GFRA2: variants seen among roughly 807,000 people sequenced by gnomAD.
GFRA2 encodes the protein GDNF family receptor alpha 2, also known as GDNF family receptor alpha-2.
GFRA2 carries 17 observed loss-of-function variants against 48.3 expected under a neutral mutation model. The observed-to-expected ratio is 0.35, with a 90% CI of 0.24 to 0.53. The LOEUF (loss-of-function observed/expected upper bound fraction) is 0.53, where lower values mean the gene tolerates loss of function less well. Ranked by LOEUF, GFRA2 falls within the 20% of genes least tolerant of loss-of-function variation. The pLI is 0.93. For synonymous variants in GFRA2, 305 were observed against 257.2 expected (o/e 1.19, Z -1.78); for missense variants, 660 against 637.3 (o/e 1.04, Z -0.38).
chr8:21,804,231 T>C (rs76448891), intron 2 of GFRA2, among the ~76,000 whole-genome samples: 67 of 145,726 alleles, frequency 4.6e-4, no homozygotes, highest in East Asian at 1.6e-3. Flanking sequence ...CACACACACA[T>C]GCATACACAC....
chr8:21,756,905 C>T (rs1203714927), intron 3 of GFRA2, among the ~76,000 whole-genome samples: 2 of 152,164 alleles, frequency 1.3e-5, no homozygotes, highest in Admixed American at 6.5e-5. Context: ...CGTGCTCCAG[C>T]GCCAGCCCTG....
intron 2 of GFRA2, 80 bp from the exon 3 acceptor site, chr8:21,775,135 A>T: frequency 1.3e-6 from 1 of 754,012 alleles, no homozygotes; most frequent in South Asian, 1.5e-5. Context: ...GCCGGAGGAA[A>T]GCTCTCTACC....
intron 4 of GFRA2, among the ~76,000 whole-genome samples, chr8:21,730,723 G>A (rs1804145923): frequency 6.6e-6 from 1 of 152,132 alleles, no homozygotes; most frequent in East Asian, 1.9e-4. Context: ...TGGCAGAATG[G>A]CCACAGAATG....
chr8:21,784,549 C>G (rs1216455023), intron 1 of GFRA2, among the ~76,000 whole-genome samples: 2 of 152,164 alleles, frequency 1.3e-5, no homozygotes, highest in African/African-American at 4.8e-5. Context: ...CGCTGCACAG[C>G]GGGCCTTCGC....
chr8:21,802,711 T>C (rs1284715298), intron 2 of GFRA2, among the ~76,000 whole-genome samples: 2 of 152,122 alleles, frequency 1.3e-5, no homozygotes, highest in Admixed American at 1.3e-4. Context: ...GGGAGGCAGA[T>C]GTACAAATGA....
intron 4 of GFRA2, among the ~76,000 whole-genome samples, chr8:21,739,257 G>A (rs1435689636): frequency 6.6e-6 from 1 of 152,102 alleles, no homozygotes; most frequent in Non-Finnish European, 1.5e-5. Context: ...TAAGCAGGAG[G>A]ATGCCAGTAG....
At chr8:21,701,129 T>A (rs994503225) in intron 7 of GFRA2, among the ~76,000 whole-genome samples, 1 of 152,324 alleles carries the variant, frequency 6.6e-6, no homozygotes, top group South Asian at 2.1e-4. Flanking sequence ...GCGCGGGGGC[T>A]CACGCCTGTA....
intron 3 of GFRA2, among the ~76,000 whole-genome samples, chr8:21,773,321 C>G (rs1226987370): frequency 6.6e-6 from 1 of 152,178 alleles, no homozygotes; most frequent in Admixed American, 6.5e-5. Flanking sequence ...GCAAGGTGCT[C>G]AACACAGCTG....
In GFRA2 at chr8:21,699,348, T is replaced by C. The variant is rs1236864161; in HGVS notation, c.1218+3457A>G. On this transcript the variant is annotated intron_variant, in intron 7 of 8. Transcript: ENST00000524240. The stretch of plus-strand genomic sequence containing the variant: ...TGCAGTGAGGGGGGCCTTGGGGCAG[T>C]CTCTCAAAACTCATTTTTAATTTGC... Among the ~76,000 whole-genome samples the C allele has an allele frequency of 1.1e-4, 17 of 152,200 alleles. No individual in the cohort carries two copies. The South Asian group carries it at 3.5e-3, about 32-fold the overall frequency.
intron 2 of GFRA2, among the ~76,000 whole-genome samples, chr8:21,803,624 T>C (rs1346652448): frequency 6.6e-6 from 1 of 152,140 alleles, no homozygotes; most frequent in African/African-American, 2.4e-5. Flanking sequence ...AACACAGTAA[T>C]GATCATAGCT....
At chr8:21,747,612 A>T (rs537711149) in intron 4 of GFRA2, among the ~76,000 whole-genome samples, 76 of 152,094 alleles carry the variant, frequency 5.0e-4, no homozygotes, top group Middle Eastern at 3.4e-3. Flanking sequence ...TTCAGTGTGC[A>T]CAGGGCCCCA....
At chr8:21,788,880 GCTCTCCT>G, upstream of GFRA2, 1 of 790,182 alleles carries the variant, frequency 1.3e-6, no homozygotes, top group Non-Finnish European at 1.5e-6. Context: ...GCTCTCCCTC[GCTCTCCT>G]CTCTCCCTCC....
intron 2 of GFRA2, among the ~76,000 whole-genome samples, chr8:21,776,296 C>A (rs1806703892): frequency 1.3e-5 from 2 of 152,110 alleles, no homozygotes; most frequent in African/African-American, 2.4e-5. Context: ...TTCCGGCAGA[C>A]CCCCAAGAAA....
intron 7 of GFRA2, among the ~76,000 whole-genome samples, chr8:21,695,476 G>A (rs1245497305): frequency 6.6e-6 from 1 of 152,124 alleles, no homozygotes; most frequent in Middle Eastern, 3.2e-3. Context: ...CAGGGCATCT[G>A]GTCAGCTAAA....
Position 21,704,985 on chromosome 8 carries a change from G to C in GFRA2, c.1045C>G (p.Arg349Gly). Reference protein sequence around the residue: ...LRDFTENPCLRNAIQAFGNGT... With the variant: ...LRDFTENPCLGNAIQAFGNGT... ...GTTGGGGAGAACATCCAGAACTTAC[G>C]GAGGCATGGGTTCTCGGTGAAGTCC... is the stretch of plus-strand genomic sequence containing the variant. Residue 349 changes from arginine (R) to glycine (G), a missense_variant and splice_region_variant, in exon 6 of 9, where the codon CGG becomes GGG. Transcript: ENST00000524240. The C allele has an allele frequency of 1.2e-6, 2 of 1,609,054 alleles. No individual in the cohort carries two copies. The highest frequency in any genetic ancestry group is 1.7e-6 in the Non-Finnish European group (2 of 1,177,962).
In GFRA2 at chr8:21,788,243, A is replaced by G; in HGVS notation, c.-84T>C. 1 of 1,548,578 alleles carries G rather than the reference A, an allele frequency of 6.5e-7. No homozygotes were observed. On this transcript the variant is annotated 5_prime_UTR_variant, in exon 1 of 9. Transcript: ENST00000524240. ...AGTAACAACAACAATAATAATAGGCAAGCAGTGGTAATCAGCCCCAAATCC... is the reference window on the plus strand; with the variant it reads ...AGTAACAACAACAATAATAATAGGCGAGCAGTGGTAATCAGCCCCAAATCC...
chr8:21,693,281 C>A lies in GFRA2; in HGVS notation c.1392G>T (p.Leu464Phe). 6.2e-7 allele frequency: 1 copy of A among 1,611,084 alleles called. No individual in the cohort carries two copies. The highest frequency in any genetic ancestry group is 1.1e-5 in the South Asian group (1 of 90,584). The change falls in exon 9 of 9, where the codon TTG (leucine) becomes TTT (phenylalanine). Residue 464 changes from leucine to phenylalanine, a missense_variant. Physicochemically the swap from Leu to Phe is conservative, Grantham distance 22 (BLOSUM62 0). Coordinates refer to ENST00000524240, the MANE Select transcript of GFRA2 (RefSeq NM_001495.5). The stretch of plus-strand genomic sequence containing the variant: ...ATTCTGACTCGGTTCCCACAGCCTA[C>A]AAGGCCAGTTTCAGCATCAGGACAG... ...VLSVLMLKLAL is the reference protein window; with the variant it reads ...VLSVLMLKLAF
At chr8:21,746,615 G>C (rs1805018120) in intron 4 of GFRA2, among the ~76,000 whole-genome samples, 1 of 151,992 alleles carries the variant, frequency 6.6e-6, no homozygotes, top group African/African-American at 2.4e-5. Flanking sequence ...TTATTTCCCA[G>C]TGCAAGAAGC....
chr8:21,749,536 AT>A (rs1295666600), intron 4 of GFRA2, among the ~76,000 whole-genome samples: 4 of 151,872 alleles, frequency 2.6e-5, no homozygotes, highest in Admixed American at 2.0e-4. Context: ...TCATATGATC[AT>A]TGAGACTGGA....
Sources: gnomAD v4.1 joint callset for allele counts (sites outside exome capture counted in the v4.1 genomes callset) on GRCh38, gnomAD v4.1.1 for gene constraint, MANE v1.5 for transcripts, NCBI Gene and HGNC (gene_info 2026-07-23, HGNC 2026-07-21) for gene names.